The following RBBP9 variants were observed in gnomAD, a reference collection of about 807,000 sequenced individuals.
RBBP9 encodes the protein serine hydrolase RBBP9.
RBBP9 carries 20 observed loss-of-function variants against 24.2 expected under a neutral mutation model. The ratio of observed to expected loss-of-function variants is 0.83; its 90% CI spans 0.58 to 1.20. The LOEUF (loss-of-function observed/expected upper bound fraction) is 1.20. RBBP9 is among the 50% of genes most tolerant of loss of function. The pLI is 0.00. For missense variants in RBBP9, 234 were observed against 233.6 expected (o/e 1.00, Z -0.01); for synonymous variants, 74 against 84.6 (o/e 0.87, Z 0.69).
intron 2 of RBBP9, among the ~76,000 whole-genome samples, chr20:18,495,377 T>C (rs1287546793): frequency 4.7e-5 from 7 of 148,430 alleles, no homozygotes; most frequent in African/African-American, 1.7e-4. Context: ...GTTAAACAGA[T>C]GCTTGAAGGC....
chr20:18,487,743 G>A lies in RBBP9; in HGVS notation c.*2021C>T, dbSNP rs2059849246. 1.3e-5 allele frequency: 2 copies of A among 152,224 alleles called. No homozygotes were observed. Among genetic ancestry groups the A allele is most frequent in the Non-Finnish European group, 2.9e-5 (2 of 68,050 alleles). 9.4% of individuals were successfully genotyped at this position (152,224 alleles called of 1,614,324 possible). On this transcript the variant is annotated 3_prime_UTR_variant, in exon 5 of 5. Transcript: ENST00000337227. ...GAGGTGGGTGGATCACTTGAGGCCA[G>A]GAGTTCGAGACCAGCCTGGCCAACA...
At position 18,497,122 on chromosome 20, in the gene RBBP9, C is replaced by T. The variant is rs757496806; in HGVS notation, c.46G>A (p.Gly16Arg). ...TACCAGCCGTGGGTGGTCACATCCC[C>T]GCCTCCGTTCCCGGGAACAATCACT... ...KAVIVPGNGG[G>R]DVTTHGWYGW... Residue 16 changes from glycine (G) to arginine (R), a missense_variant, in exon 1 of 5, where the codon GGG becomes AGG. Gly to Arg is a moderately radical substitution (Grantham distance 125, BLOSUM62 -2). Coordinates refer to ENST00000337227, the MANE Select transcript of RBBP9 (RefSeq NM_006606.3). 5 of 1,614,090 alleles carry T rather than the reference C, an allele frequency of 3.1e-6. No homozygotes were observed. The highest frequency in any genetic ancestry group is 4.2e-6 in the Non-Finnish European group (5 of 1,180,026).
chr20:18,492,790 A>G (rs1452181961), intron 3 of RBBP9, among the ~76,000 whole-genome samples: 1 of 152,220 alleles, frequency 6.6e-6, no homozygotes, highest in Non-Finnish European at 1.5e-5. Flanking sequence ...AGAATCCTGC[A>G]GTGAGTTCAA....
chr20:18,494,234 A>G (rs955528159), intron 2 of RBBP9, among the ~76,000 whole-genome samples, 171 bp from the exon 3 acceptor site: 10 of 150,954 alleles, frequency 6.6e-5, no homozygotes, highest in African/African-American at 2.4e-4. Flanking sequence ...ATGTATTACT[A>G]CTTGAAAGAT....
Position 18,488,402 on chromosome 20 carries a change from A to G in RBBP9, c.*1362T>C, listed in dbSNP as rs529908551. The stretch of plus-strand genomic sequence containing the variant: ...TGCCTCAGCCTCCCAAGAAGCTAGG[A>G]CTACAGGTGTGCACCACCATGCCTA... On this transcript the variant is annotated 3_prime_UTR_variant, in exon 5 of 5. Coordinates refer to ENST00000337227, the MANE Select transcript of RBBP9 (RefSeq NM_006606.3). The G allele has an allele frequency of 3.3e-5, 5 of 152,312 alleles. No homozygotes were observed. Among genetic ancestry groups the G allele is most frequent in the African/African-American group, 1.2e-4 (5 of 41,528 alleles). The allele number at this position is 152,312 out of a possible 1,614,324, so 9.4% of individuals were successfully genotyped here.
chr20:18,489,802 T>C lies in RBBP9; in HGVS notation c.523A>G (p.Ile175Val). Reference sequence around the variant, plus strand: ...TTCAGCAAAGACTTTACAACAGTAATCAGTTCATGAAACTCTGTGTTCTGA... The same window carrying C: ...TTCAGCAAAGACTTTACAACAGTAACCAGTTCATGAAACTCTGTGTTCTGA... ...HFQNTEFHEL[I>V]TVVKSLLKVP... The change falls in exon 5 of 5, where the codon ATT (isoleucine) becomes GTT (valine). Residue 175 changes from isoleucine (I) to valine (V), a missense_variant. Physicochemically the swap from Ile to Val is conservative, Grantham distance 29. Coordinates refer to ENST00000337227, the MANE Select transcript of RBBP9 (RefSeq NM_006606.3). 1.2e-6 allele frequency: 2 copies of C among 1,613,716 alleles called. No individual in the cohort carries two copies. The highest frequency in any genetic ancestry group is 1.7e-6 in the Non-Finnish European group (2 of 1,179,612).
In RBBP9 at chr20:18,486,671, G is replaced by T. The variant is rs1358131440; in HGVS notation, c.*3093C>A. The T allele has an allele frequency of 6.6e-6, 1 of 152,156 alleles. No homozygotes were observed. Among genetic ancestry groups the T allele is most frequent in the Non-Finnish European group, 1.5e-5 (1 of 68,028 alleles). The allele number at this position is 152,156 out of a possible 1,614,324, so 9.4% of individuals were successfully genotyped here. A position where few individuals can be genotyped will look rare whatever the true frequency, so the allele number is the denominator to read the frequency against. ...ACAGGGATAAACTGTAACCAAAACA[G>T]ATTGTGGGGCTCTAGACTCCGGACA... On this transcript the variant is annotated 3_prime_UTR_variant, in exon 5 of 5. Transcript: ENST00000337227.
At chr20:18,494,185 C>G (rs1029801741) in intron 2 of RBBP9, 122 bp from the exon 3 acceptor site, 4 of 694,528 alleles carry the variant, frequency 5.8e-6, no homozygotes, top group African/African-American at 3.6e-5. Context: ...TGCAGGACCA[C>G]AGCAGGAGAC....
rs186663771 is a variant in RBBP9, at chr20:18,497,060, G to A, written c.99+9C>T. The A allele has an allele frequency of 3.1e-3, 4,928 of 1,612,514 alleles. 17 individuals carry two copies. Among genetic ancestry groups the A allele is most frequent in the Admixed American group, 4.1e-3 (249 of 60,028 alleles). Reference sequence around the variant, plus strand: ...CTGACTTCACGGAGCAGCGGCGTTGGGCGCTTACCTTCTCCAGCTCCTTTT... The same window carrying A: ...CTGACTTCACGGAGCAGCGGCGTTGAGCGCTTACCTTCTCCAGCTCCTTTT... On this transcript the variant is annotated intron_variant, in intron 1 of 4. Transcript: ENST00000337227.
chr20:18,486,720 T>C lies in RBBP9; in HGVS notation c.*3044A>G, dbSNP rs1187469915. 6.6e-6 allele frequency: 1 copy of C among 152,192 alleles called. No homozygotes were observed. The highest frequency in any genetic ancestry group is 1.5e-5 in the Non-Finnish European group (1 of 68,042). 9.4% of individuals were successfully genotyped at this position (152,192 alleles called of 1,614,324 possible). ...CAGCACCAAAAATTCAAGTTGCATATGAAGTCCTAATACTTACAGTTGATT... is the reference window on the plus strand; with the variant it reads ...CAGCACCAAAAATTCAAGTTGCATACGAAGTCCTAATACTTACAGTTGATT... On this transcript the variant is annotated 3_prime_UTR_variant, in exon 5 of 5. Coordinates refer to ENST00000337227, the MANE Select transcript of RBBP9 (RefSeq NM_006606.3).
intron 2 of RBBP9, 146 bp downstream of exon 2, chr20:18,495,692 T>A: frequency 2.4e-6 from 1 of 425,144 alleles, no homozygotes; most frequent in Non-Finnish European, 4.2e-6. Flanking sequence ...GTTCACACCC[T>A]CCTCCCCAAG....
chr20:18,495,615 AT>A (rs2059883644), intron 2 of RBBP9, among the ~76,000 whole-genome samples: 2 of 120,530 alleles, frequency 1.7e-5, no homozygotes, highest in East Asian at 2.4e-4. Context: ...AAATAAATAA[AT>A]AAATAAAAAT....
intron 4 of RBBP9, 22 bp from the exon 5 acceptor site, chr20:18,490,012 C>A (rs1176317667): frequency 6.6e-7 from 1 of 1,525,394 alleles, no homozygotes; most frequent in Admixed American, 1.8e-5. Flanking sequence ...AAAAAATGAT[C>A]TTTCAGTACC....
chr20:18,487,500 G>A lies in RBBP9; in HGVS notation c.*2264C>T, dbSNP rs1197227762. On this transcript the variant is annotated 3_prime_UTR_variant, in exon 5 of 5. Coordinates refer to ENST00000337227, the MANE Select transcript of RBBP9 (RefSeq NM_006606.3). Reference sequence around the variant, plus strand: ...AGAATCAAACTTTGACTATAGATTTGGTCAAATTAGTGCTAAACAGCCTCT... The same window carrying A: ...AGAATCAAACTTTGACTATAGATTTAGTCAAATTAGTGCTAAACAGCCTCT... The A allele has an allele frequency of 6.6e-6, 1 of 151,964 alleles. No homozygotes were observed. Among genetic ancestry groups the A allele is most frequent in the East Asian group, 1.9e-4 (1 of 5,194 alleles). The allele number at this position is 151,964 out of a possible 1,614,324, so 9.4% of individuals were successfully genotyped here.
At chr20:18,492,427 T>C (rs1052842555) in intron 3 of RBBP9, among the ~76,000 whole-genome samples, 18 of 152,214 alleles carry the variant, frequency 1.2e-4, no homozygotes, top group African/African-American at 4.3e-4. Context: ...AGTTGTCTTG[T>C]ACATTATCCT....
intron 1 of RBBP9, among the ~76,000 whole-genome samples, chr20:18,496,232 G>A (rs1255025127): frequency 6.6e-6 from 1 of 152,070 alleles, no homozygotes; most frequent in Non-Finnish European, 1.5e-5. Flanking sequence ...ACAGGAACGT[G>A]ATACAGAAAT....
Position 18,489,908 on chromosome 20 carries a change from C to T in RBBP9, c.417G>A (p.Pro139=), listed in dbSNP as rs781104713. 1.5e-5 allele frequency: 25 copies of T among 1,613,800 alleles called. No homozygotes were observed. The highest frequency in any genetic ancestry group is 1.3e-4 in the African/African-American group (10 of 74,902). Residue 139 remains proline, a synonymous_variant, in exon 5 of 5, where the codon CCG becomes CCA. Transcript: ENST00000337227. The part of the protein sequence containing the change: ...YIVQFGSTDD[P]FLPWKEQQEV... ...CTTGTTGTTCCTTCCAGGGAAGGAA[C>T]GGGTCGTCAGTAGAGCCAAACTGCA... is the stretch of plus-strand genomic sequence containing the variant.
At chr20:18,496,446 A>T (rs2059887101) in intron 1 of RBBP9, among the ~76,000 whole-genome samples, 1 of 152,234 alleles carries the variant, frequency 6.6e-6, no homozygotes, top group Non-Finnish European at 1.5e-5. Flanking sequence ...GTAAGATGCC[A>T]CTTTTATAAA....
In RBBP9 at chr20:18,488,161, G is replaced by C. The variant is rs1301583087; in HGVS notation, c.*1603C>G. 1 of 152,048 alleles carries C rather than the reference G, an allele frequency of 6.6e-6. No homozygotes were observed. The highest frequency in any genetic ancestry group is 1.9e-4 in the East Asian group (1 of 5,182). The allele number at this position is 152,048 out of a possible 1,614,324, so 9.4% of individuals were successfully genotyped here. A position where few individuals can be genotyped will look rare whatever the true frequency, so the allele number is the denominator to read the frequency against. ...TATTTCTGCAGCAAACTTAGGCTTT[G>C]CAACATCAAGTGTGGATTCACTGGA... On this transcript the variant is annotated 3_prime_UTR_variant, in exon 5 of 5. Transcript: ENST00000337227.
Sources: allele counts gnomAD v4.1 joint callset (sites outside exome capture counted in the v4.1 genomes callset), GRCh38; gene constraint gnomAD v4.1.1; transcripts MANE v1.5; gene names NCBI Gene and HGNC (gene_info 2026-07-23, HGNC 2026-07-21).